MID2: variants seen among roughly 807,000 people sequenced by gnomAD.
MID2 encodes the protein probable E3 ubiquitin-protein ligase MID2.
In MID2, 13 loss-of-function variants were observed where a neutral mutation model predicts 46.1. The observed-to-expected ratio is 0.28, with a 90% CI of 0.18 to 0.45. MID2 has a LOEUF of 0.45. MID2 is among the 20% of genes least tolerant of loss of function. The pLI, the probability that MID2 is intolerant of heterozygous loss-of-function variation, is 1.00. For missense variants in MID2, 431 were observed against 575.4 expected, an observed-to-expected ratio of 0.75 and a Z score of 2.57; for synonymous variants, 199 against 212.3, an observed-to-expected ratio of 0.94 and a Z score of 0.55.
rs1933232450 is a variant in MID2 at position 107,928,748 on chromosome X, A to G, written c.*1675A>G. On this transcript the variant is annotated 3_prime_UTR_variant, in exon 10 of 10. Coordinates refer to ENST00000262843, the MANE Select transcript of MID2 (RefSeq NM_012216.4). ...ATTCTGTGGAAGAAACAAAGTATAT[A>G]ATCCTCCCCAATAACAGTTATGTAT... 8.9e-6 allele frequency among the ~76,000 whole-genome samples: 1 copy of G among 111,973 alleles called. No individual in the cohort carries two copies. The highest frequency in any genetic ancestry group is 1.9e-5 in the Non-Finnish European group (1 of 53,141).
intron 2 of MID2, 73 bp from the exon 3 acceptor site, chrX:107,854,536 G>C (rs1015249836): frequency 3.8e-5 from 28 of 734,415 alleles, no homozygotes; most frequent in Non-Finnish European, 5.5e-5. Flanking sequence ...ACATGACATT[G>C]GTTCTCAAGC....
chrX:107,839,313 AATAG>A (rs1159420204), intron 1 of MID2, among the ~76,000 whole-genome samples: 1 of 110,800 alleles, frequency 9.0e-6, no homozygotes, highest in African/African-American at 3.3e-5. Context: ...CCTGTGGAAA[AATAG>A]ATAGAGTTAC....
intron 3 of MID2, 142 bp from the exon 4 acceptor site, chrX:107,903,816 T>A (rs889197693): frequency 2.6e-5 from 12 of 456,545 alleles, no homozygotes; most frequent in Non-Finnish European, 4.0e-5. Flanking sequence ...AATATCATCA[T>A]CTCTACCCTT....
intron 2 of MID2, among the ~76,000 whole-genome samples, chrX:107,848,413 T>A (rs904393715): frequency 4.5e-5 from 5 of 111,455 alleles, no homozygotes; most frequent in Non-Finnish European, 5.6e-5. Flanking sequence ...CCATTTGAGC[T>A]AGAGATGTAA....
intron 3 of MID2, among the ~76,000 whole-genome samples, chrX:107,861,104 CA>C (rs1335890114): frequency 9.0e-6 from 1 of 111,279 alleles, no homozygotes; most frequent in Non-Finnish European, 1.9e-5. Flanking sequence ...TTCTGAAGGA[CA>C]GCAAAGGAGA....
At chrX:107,865,571 A>T (rs1352236887) in intron 3 of MID2, among the ~76,000 whole-genome samples, 4 of 112,040 alleles carry the variant, frequency 3.6e-5, no homozygotes, top group South Asian at 7.5e-4. Flanking sequence ...CCCACCCCAA[A>T]GGGTTCTTTT....
chrX:107,851,855 TTTTATTTATTTA>T (rs199930811), intron 2 of MID2, among the ~76,000 whole-genome samples: 4,441 of 93,792 alleles, frequency 0.047, 270 homozygotes, highest in African/African-American at 0.16. Context: ...TCTTTATACT[TTTTATTTATTTA>T]TTTATTTATT....
At chrX:107,864,086 T>C (rs73529321) in intron 3 of MID2, among the ~76,000 whole-genome samples, 2,106 of 112,624 alleles carry the variant, frequency 0.019, 52 homozygotes, top group African/African-American at 0.064. Context: ...CTCCAAAGTC[T>C]ATGTTCTTTC....
intron 3 of MID2, among the ~76,000 whole-genome samples, chrX:107,884,779 C>G (rs1392115673): frequency 8.9e-6 from 1 of 112,333 alleles, no homozygotes; most frequent in Non-Finnish European, 1.9e-5. Flanking sequence ...TTGGTTGTAA[C>G]TCTGTCATTT....
chrX:107,893,227 T>C (rs1932642165), intron 3 of MID2, among the ~76,000 whole-genome samples: 1 of 112,910 alleles, frequency 8.9e-6, no homozygotes, highest in Admixed American at 9.3e-5. Context: ...AATGTCCTTT[T>C]GATCCTATAA....
rs1311940027 is a variant in MID2, at chrX:107,928,376, G to C, written c.*1303G>C. Reference sequence around the variant, plus strand: ...CATCCCAGTCCTAACCAGTATAGTTGAAGGGAATGGAGCCTTGTAGTCTAT... The same window carrying C: ...CATCCCAGTCCTAACCAGTATAGTTCAAGGGAATGGAGCCTTGTAGTCTAT... On this transcript the variant is annotated 3_prime_UTR_variant, in exon 10 of 10. Transcript: ENST00000262843. Among the ~76,000 whole-genome samples, 2 of 111,364 alleles carry C rather than the reference G, an allele frequency of 1.8e-5. No individual in the cohort carries two copies. The highest frequency in any genetic ancestry group is 3.8e-5 in the Non-Finnish European group (2 of 52,989).
intron 3 of MID2, among the ~76,000 whole-genome samples, chrX:107,884,092 C>T (rs902948745): frequency 8.9e-6 from 1 of 112,194 alleles, no homozygotes; most frequent in Non-Finnish European, 1.9e-5. Context: ...TTTTTATCTA[C>T]ATACATATAC....
chrX:107,864,129 T>TG (rs1003528347), intron 3 of MID2, among the ~76,000 whole-genome samples: 4 of 112,443 alleles, frequency 3.6e-5, no homozygotes, highest in Admixed American at 2.8e-4. Flanking sequence ...GAGAAGTTGT[T>TG]GGTTTACTTG....
chrX:107,915,958 G>A lies in MID2; in HGVS notation c.1074-44G>A, dbSNP rs370618174. On this transcript the variant is annotated intron_variant, in intron 5 of 9. Coordinates refer to ENST00000262843, the MANE Select transcript of MID2 (RefSeq NM_012216.4). ...AGAAATCAAACACTGGGTGAAAGTT[G>A]CAACCTATTTTGATGTATATTGATG... The A allele has an allele frequency of 4.4e-6, 5 of 1,139,087 alleles. No homozygotes were observed. In the African/African-American group the frequency reaches 7.5e-5, roughly 17 times the overall value. The allele number at this position is 1,139,087 out of a possible 1,213,427, so 93.9% of individuals were successfully genotyped here.
At chrX:107,845,946 A>T (rs1169580727) in intron 2 of MID2, among the ~76,000 whole-genome samples, 1 of 112,292 alleles carries the variant, frequency 8.9e-6, no homozygotes, top group African/African-American at 3.2e-5. Flanking sequence ...TTGCATACAC[A>T]TGTATGCATC....
chrX:107,907,954 A>C (rs934668454), intron 5 of MID2, among the ~76,000 whole-genome samples: 3 of 111,809 alleles, frequency 2.7e-5, no homozygotes, highest in African/African-American at 9.8e-5. Context: ...AATCCTCAAA[A>C]AAACTTTATG....
chrX:107,871,427 T>C (rs763981164), intron 3 of MID2, among the ~76,000 whole-genome samples: 3 of 111,483 alleles, frequency 2.7e-5, no homozygotes, highest in Non-Finnish European at 5.7e-5. Flanking sequence ...CAGCAGCATC[T>C]AGGGGGGTGT....
intron 1 of MID2, among the ~76,000 whole-genome samples, chrX:107,827,608 C>T (rs955628746): frequency 8.1e-5 from 9 of 111,199 alleles, no homozygotes; most frequent in Non-Finnish European, 1.5e-4. Context: ...CATTCTGCTC[C>T]GTCCCAGTAC....
intron 3 of MID2, among the ~76,000 whole-genome samples, chrX:107,888,230 C>T (rs1932510588): frequency 9.0e-6 from 1 of 111,686 alleles, no homozygotes; most frequent in African/African-American, 3.3e-5. Context: ...GTGTCAATTT[C>T]AGATCTTTCC....
Sources: gnomAD v4.1 joint callset for allele counts (sites outside exome capture counted in the v4.1 genomes callset) on GRCh38, gnomAD v4.1.1 for gene constraint, MANE v1.5 for transcripts, NCBI Gene and HGNC (gene_info 2026-07-23, HGNC 2026-07-21) for gene names.